Variants in NCKAP5 observed in about 807,000 individuals in gnomAD.
NCKAP5 encodes nck-associated protein 5.
In NCKAP5, 92 loss-of-function variants were observed where a neutral mutation model predicts 167.0. That is an observed-to-expected ratio of 0.55 (90% CI 0.47 to 0.66). The LOEUF is 0.66. Ranked by LOEUF, NCKAP5 falls within the 30% of genes least tolerant of loss-of-function variation. The pLI is 0.00. For missense variants in NCKAP5, 2,378 were observed against 2,315.0 expected (o/e 1.03, Z -0.56); for synonymous variants, 891 against 877.4 (o/e 1.02, Z -0.27).
intron 4 of NCKAP5, among the ~76,000 whole-genome samples, chr2:133,254,566 A>T (rs907670347): frequency 2.0e-5 from 3 of 152,200 alleles, no homozygotes; most frequent in Admixed American, 6.5e-5. Flanking sequence ...TTATTCAGCA[A>T]CAGATAATAT....
chr2:133,539,704 A>G (rs1686065291), intron 2 of NCKAP5, among the ~76,000 whole-genome samples: 1 of 152,204 alleles, frequency 6.6e-6, no homozygotes, highest in South Asian at 2.1e-4. Context: ...TAATGAATTA[A>G]AAACTTATGC....
the NCKAP5 span, among the ~76,000 whole-genome samples, chr2:133,634,742 T>C: frequency 6.6e-6 from 1 of 152,222 alleles, no homozygotes; most frequent in Non-Finnish European, 1.5e-5. Flanking sequence ...AATTTGAATT[T>C]TAGATAAACA....
intron 8 of NCKAP5, among the ~76,000 whole-genome samples, chr2:132,909,204 C>G (rs747236520): frequency 1.3e-5 from 2 of 152,044 alleles, no homozygotes; most frequent in Non-Finnish European, 2.9e-5. Context: ...AAATTAGCTA[C>G]GTGTGGTGGC....
intron 2 of NCKAP5, among the ~76,000 whole-genome samples, chr2:133,522,561 G>A (rs1267365608): frequency 6.6e-6 from 1 of 152,170 alleles, no homozygotes; most frequent in Non-Finnish European, 1.5e-5. Context: ...CCCCTAGGTA[G>A]TATAACACCT....
At chr2:132,937,575 A>G (rs10203770) in intron 8 of NCKAP5, among the ~76,000 whole-genome samples, 15,509 of 152,208 alleles carry the variant, frequency 0.1, 2,406 homozygotes, top group African/African-American at 0.34. Context: ...AATTAGGACC[A>G]GTGGATAGAA....
At chr2:133,636,893 T>A in the NCKAP5 span, among the ~76,000 whole-genome samples, 1 of 151,892 alleles carries the variant, frequency 6.6e-6, no homozygotes, top group Non-Finnish European at 1.5e-5. Context: ...AGAAAAAAAA[T>A]TTCATCTGCA....
At chr2:133,663,148 C>T in the NCKAP5 span, among the ~76,000 whole-genome samples, 1 of 152,192 alleles carries the variant, frequency 6.6e-6, no homozygotes, top group South Asian at 2.1e-4. Flanking sequence ...CGCCTGTAGT[C>T]CCAGCTACTC....
the NCKAP5 span, among the ~76,000 whole-genome samples, chr2:133,628,555 A>T: frequency 6.6e-6 from 1 of 152,212 alleles, no homozygotes; most frequent in East Asian, 1.9e-4. Flanking sequence ...TATCGTGAAA[A>T]TGGCCATACT....
intron 4 of NCKAP5, among the ~76,000 whole-genome samples, chr2:133,286,768 C>G (rs1325314546): frequency 6.6e-6 from 1 of 151,784 alleles, no homozygotes; most frequent in East Asian, 1.9e-4. Context: ...GTATGAGGAC[C>G]AATGAAGGAA....
intron 3 of NCKAP5, among the ~76,000 whole-genome samples, chr2:133,495,135 T>C (rs1681825207): frequency 6.6e-6 from 1 of 152,222 alleles, no homozygotes. Context: ...CAGTTTGAGT[T>C]GTCCTGCCTT....
At chr2:133,467,991 T>G (rs1692732466) in intron 3 of NCKAP5, among the ~76,000 whole-genome samples, 1 of 116,718 alleles carries the variant, frequency 8.6e-6, no homozygotes, top group South Asian at 2.7e-4. Context: ...TTTGAAGGGT[T>G]TTTTGTGTCT....
the NCKAP5 span, among the ~76,000 whole-genome samples, chr2:133,611,901 T>C: frequency 6.6e-6 from 1 of 152,240 alleles, no homozygotes; most frequent in Non-Finnish European, 1.5e-5. Context: ...TGTCTAGCAG[T>C]ACCCTGTAAA....
chr2:132,731,905 A>G lies in NCKAP5; in HGVS notation c.5275T>C (p.Ser1759Pro). The part of the protein sequence containing the change: ...EPLLPLQSAL[S>P]AVSSMRAQTL... Reference sequence around the variant, plus strand: ...TGGGCTCTCATGGAAGAAACTGCAGAAAGGGCTGACTGGAGAGGCAGGAGA... The same window carrying G: ...TGGGCTCTCATGGAAGAAACTGCAGGAAGGGCTGACTGGAGAGGCAGGAGA... Residue 1759 changes from serine to proline, a missense_variant, in exon 17 of 20, where the codon TCT becomes CCT. Coordinates refer to ENST00000409261, the MANE Select transcript of NCKAP5 (RefSeq NM_207363.3). 1 of 1,613,920 alleles carries G rather than the reference A, an allele frequency of 6.2e-7. No homozygotes were observed. Among genetic ancestry groups the G allele is most frequent in the Non-Finnish European group, 8.5e-7 (1 of 1,179,874 alleles).
At position 133,526,261 on chromosome 2, in the gene NCKAP5, G is replaced by A. The variant is rs1274503610; in HGVS notation, c.-61-8674C>T. 2.0e-3 allele frequency among the ~76,000 whole-genome samples: 72 copies of A among 36,500 alleles called. 5 individuals are homozygous for A. The highest frequency in any genetic ancestry group is 7.4e-3 in the African/African-American group (66 of 8,902). 23.9% of individuals were successfully genotyped at this position (36,500 alleles called of 152,430 possible). ...GGAGGGAGGGAAGGAGGGAGGGAGG[G>A]AAGGAGGGAGGGAGGGAAGGAGGGA... is the stretch of plus-strand genomic sequence containing the variant. On this transcript the variant is annotated intron_variant, in intron 2 of 19. Coordinates refer to ENST00000409261, the MANE Select transcript of NCKAP5 (RefSeq NM_207363.3).
At chr2:133,259,177 C>T (rs976795890) in intron 4 of NCKAP5, among the ~76,000 whole-genome samples, 1 of 152,130 alleles carries the variant, frequency 6.6e-6, no homozygotes, top group Non-Finnish European at 1.5e-5. Flanking sequence ...CTCCTTCCCC[C>T]AGCTGGCCTA....
intron 4 of NCKAP5, among the ~76,000 whole-genome samples, chr2:133,266,691 G>T (rs77255099): frequency 0.15 from 22,812 of 152,214 alleles, 2,001 homozygotes; most frequent in South Asian, 0.25. Context: ...GCTCACCGCA[G>T]CCCGGGCACC....
At chr2:133,612,421 T>C in the NCKAP5 span, among the ~76,000 whole-genome samples, 2 of 152,198 alleles carry the variant, frequency 1.3e-5, no homozygotes, top group Non-Finnish European at 2.9e-5. Context: ...GGATTTTCAA[T>C]CTCAAATACA....
chr2:133,134,495 A>G (rs2082717427), intron 5 of NCKAP5, among the ~76,000 whole-genome samples: 1 of 152,188 alleles, frequency 6.6e-6, no homozygotes, highest in African/African-American at 2.4e-5. Flanking sequence ...TCAGTAACAC[A>G]CATGTTATAC....
At chr2:132,735,939 A>G (rs534196246) in intron 16 of NCKAP5, among the ~76,000 whole-genome samples, 3 of 152,132 alleles carry the variant, frequency 2.0e-5, no homozygotes, top group Non-Finnish European at 2.9e-5. Flanking sequence ...CAGTCCCCTT[A>G]AATTATTTTA....
Sources: allele counts gnomAD v4.1 joint callset (sites outside exome capture counted in the v4.1 genomes callset), GRCh38; gene constraint gnomAD v4.1.1; transcripts MANE v1.5; gene names NCBI Gene and HGNC (gene_info 2026-07-23, HGNC 2026-07-21).